Variants in FAM107B observed in about 807,000 individuals in gnomAD.
FAM107B encodes protein FAM107B.
Under a neutral mutation model 31.5 loss-of-function variants are expected in FAM107B, and 21 were observed. The ratio of observed to expected loss-of-function variants is 0.67; its 90% CI spans 0.47 to 0.96. The LOEUF is 0.96. Among genes scored for constraint, FAM107B ranks in the 40% least tolerant of loss-of-function variants. FAM107B has a pLI of 0.00. For missense variants in FAM107B, 452 were observed against 377.1 expected, an observed-to-expected ratio of 1.20 and a Z score of -1.64; for synonymous variants, 157 against 141.5, an observed-to-expected ratio of 1.11 and a Z score of -0.78.
At chr10:14,774,102 G>T in intron 1 of FAM107B, 151 bp downstream of exon 1, 1 of 905,050 alleles carries the variant, frequency 1.1e-6, no homozygotes, top group Non-Finnish European at 1.6e-6. Flanking sequence ...AATCTACACG[G>T]CTTTAACACA....
rs890716021 is a variant in FAM107B at position 14,651,343 on chromosome 10, C to T, written c.469+16291G>A. On this transcript the variant is annotated intron_variant, in intron 2 of 4. Transcript: ENST00000181796. ...ACACATGGCTGGGCGCAGTGGCTCA[C>T]GCCTATAATCCCAGCACTTTGGGAG... is the stretch of plus-strand genomic sequence containing the variant. Among the ~76,000 whole-genome samples, 48 of 152,308 alleles carry T rather than the reference C, an allele frequency of 3.2e-4. 1 individual carries two copies. Among genetic ancestry groups the T allele is most frequent in the African/African-American group, 9.4e-4 (39 of 41,576 alleles).
intron 1 of FAM107B, among the ~76,000 whole-genome samples, chr10:14,757,751 C>A (rs1477301983): frequency 1.3e-5 from 2 of 152,212 alleles, no homozygotes; most frequent in Non-Finnish European, 2.9e-5. Flanking sequence ...CAGGCAGGGC[C>A]TTTTTCTCAT....
chr10:14,722,539 T>C (rs1855935753), intron 1 of FAM107B, among the ~76,000 whole-genome samples: 1 of 152,236 alleles, frequency 6.6e-6, no homozygotes, highest in South Asian at 2.1e-4. Flanking sequence ...AAAGTTGTAC[T>C]CTCTGCTGTT....
intron 2 of FAM107B, among the ~76,000 whole-genome samples, chr10:14,590,601 A>G (rs968950017): frequency 3.9e-5 from 6 of 152,060 alleles, no homozygotes; most frequent in African/African-American, 1.2e-4. Context: ...TTCCAAAGGA[A>G]CTCTCAATTT....
chr10:14,736,251 AT>A (rs1158225387), intron 1 of FAM107B, among the ~76,000 whole-genome samples: 1 of 152,242 alleles, frequency 6.6e-6, no homozygotes, highest in Non-Finnish European at 1.5e-5. Flanking sequence ...ACAGGAAGTC[AT>A]TAGGTCAAAG....
intron 2 of FAM107B, among the ~76,000 whole-genome samples, chr10:14,595,373 T>C (rs987260629): frequency 6.6e-6 from 1 of 150,670 alleles, no homozygotes; most frequent in Non-Finnish European, 1.5e-5. Flanking sequence ...GACTTGGGCA[T>C]AGATCAGACT....
chr10:14,542,098 A>AAAT (rs892782357), intron 2 of FAM107B, among the ~76,000 whole-genome samples: 19 of 151,738 alleles, frequency 1.3e-4, no homozygotes, highest in Admixed American at 2.6e-4. Flanking sequence ...CTACTTAAAA[A>AAAT]AATAATAATA....
chr10:14,740,713 A>G (rs1385138457), intron 1 of FAM107B, among the ~76,000 whole-genome samples: 1 of 152,202 alleles, frequency 6.6e-6, no homozygotes, highest in African/African-American at 2.4e-5. Flanking sequence ...GGACAGTAAG[A>G]GGGGATTATG....
intron 1 of FAM107B, among the ~76,000 whole-genome samples, chr10:14,741,355 T>C (rs1405074465): frequency 6.6e-6 from 1 of 152,120 alleles, no homozygotes; most frequent in Non-Finnish European, 1.5e-5. Context: ...ATAAGGGGCT[T>C]GTTTGCCCCA....
intron 1 of FAM107B, among the ~76,000 whole-genome samples, chr10:14,692,953 C>T (rs754995815): frequency 5.1e-4 from 78 of 152,166 alleles, no homozygotes; most frequent in Non-Finnish European, 9.3e-4. Flanking sequence ...GAGATCATTC[C>T]GTGCACAGGG....
intron 2 of FAM107B, among the ~76,000 whole-genome samples, chr10:14,559,476 A>C (rs1162381530): frequency 6.6e-6 from 1 of 152,132 alleles, no homozygotes; most frequent in Non-Finnish European, 1.5e-5. Flanking sequence ...TACAAAAAAA[A>C]AAAAAAGAGG....
chr10:14,755,541 G>A (rs959389460), intron 1 of FAM107B, among the ~76,000 whole-genome samples: 1 of 151,624 alleles, frequency 6.6e-6, no homozygotes, highest in South Asian at 2.1e-4. Flanking sequence ...GATTCCCCAG[G>A]CAAAGGCTCT....
chr10:14,646,006 C>A (rs369413846), intron 2 of FAM107B, among the ~76,000 whole-genome samples: 82 of 152,270 alleles, frequency 5.4e-4, no homozygotes, highest in African/African-American at 1.8e-3. Context: ...TCTCCTCCCT[C>A]CTCTCCAGTT....
chr10:14,579,479 T>C (rs1851565572), intron 2 of FAM107B, among the ~76,000 whole-genome samples: 1 of 152,118 alleles, frequency 6.6e-6, no homozygotes, highest in Non-Finnish European at 1.5e-5. Context: ...AGTGAGAGGG[T>C]CATCTCAAAA....
intron 1 of FAM107B, among the ~76,000 whole-genome samples, chr10:14,702,655 G>A (rs1395377073): frequency 1.3e-5 from 2 of 152,156 alleles, no homozygotes; most frequent in South Asian, 2.1e-4. Context: ...TGGCCAAAGT[G>A]TATTATTTTA....
chr10:14,755,692 G>A (rs903726432), intron 1 of FAM107B, among the ~76,000 whole-genome samples: 2 of 151,898 alleles, frequency 1.3e-5, no homozygotes, highest in Admixed American at 6.6e-5. Flanking sequence ...TCACCGAAAC[G>A]AAACTCAGCA....
chr10:14,555,894 A>AACGCAC (rs1554832035), intron 2 of FAM107B: 2 of 148,194 alleles, frequency 1.3e-5, no homozygotes, highest in South Asian at 4.3e-4. Flanking sequence ...AGACATCTTT[A>AACGCAC]ACACACACAC....
chr10:14,619,520 T>C (rs1213100293), intron 2 of FAM107B, among the ~76,000 whole-genome samples: 1 of 152,198 alleles, frequency 6.6e-6, no homozygotes, highest in Non-Finnish European at 1.5e-5. Context: ...CCAGTTTTTA[T>C]TGGTTGTGTG....
chr10:14,597,346 G>A (rs1234573123), intron 2 of FAM107B, among the ~76,000 whole-genome samples: 1 of 152,124 alleles, frequency 6.6e-6, no homozygotes, highest in Non-Finnish European at 1.5e-5. Flanking sequence ...TGGATAAAGC[G>A]TGAGTTTTAA....
Sources: gnomAD v4.1 joint callset for allele counts (sites outside exome capture counted in the v4.1 genomes callset) on GRCh38, gnomAD v4.1.1 for gene constraint, MANE v1.5 for transcripts, NCBI Gene and HGNC (gene_info 2026-07-23, HGNC 2026-07-21) for gene names.